Variants in C4orf50 observed in about 807,000 individuals in gnomAD.
C4orf50 encodes chromosome 4 open reading frame 50.
C4orf50 carries 80 observed loss-of-function variants against 77.2 expected under a neutral mutation model. The ratio of observed to expected loss-of-function variants is 1.04; its 90% confidence interval spans 0.87 to 1.25. C4orf50 has a LOEUF of 1.25. Ranked by LOEUF, C4orf50 falls within the 50% of genes most tolerant of loss-of-function variation. The pLI is 0.00. For synonymous variants in C4orf50, 532 were observed against 465.3 expected (o/e 1.14, Z -1.84); for missense variants, 1,257 against 1,152.9 (o/e 1.09, Z -1.31).
intron 7 of C4orf50, chr4:5,903,312 A>T (rs1716416435): frequency 6.6e-6 from 1 of 152,220 alleles, no homozygotes; most frequent in Admixed American, 6.5e-5. Context: ...GCTAACTCCA[A>T]TATTAAAAAA....
exon 28 of C4orf50, chr4:5,990,518 G>A (rs1721208247): frequency 2.5e-6 from 1 of 399,052 alleles, no homozygotes; most frequent in African/African-American, 2.1e-5. Flanking sequence ...TCCCAGCCTG[G>A]GTGTCCTGTG....
intron 7 of C4orf50, among the ~76,000 whole-genome samples, chr4:5,921,994 C>T (rs1274744027): frequency 6.6e-6 from 1 of 152,156 alleles, no homozygotes; most frequent in Non-Finnish European, 1.5e-5. Context: ...AACCTAATAA[C>T]TAGGAACAGC....
chr4:6,012,398 C>T (rs1353116350), intron 23 of C4orf50, among the ~76,000 whole-genome samples: 1 of 152,138 alleles, frequency 6.6e-6, no homozygotes, highest in Non-Finnish European at 1.5e-5. Context: ...TTGCTCAAAG[C>T]CACACAGCAT....
downstream of C4orf50, among the ~76,000 whole-genome samples, chr4:5,953,178 G>T (rs1718804481): frequency 6.6e-6 from 1 of 152,116 alleles, no homozygotes; most frequent in African/African-American, 2.4e-5. Flanking sequence ...GGCATGGAGC[G>T]GGCCTGAATC....
At chr4:5,940,557 G>A (rs1718216682) in intron 7 of C4orf50, among the ~76,000 whole-genome samples, 1 of 152,166 alleles carries the variant, frequency 6.6e-6, no homozygotes, top group African/African-American at 2.4e-5. Flanking sequence ...TAAGTAATCA[G>A]GGCCTCAAAA....
At chr4:5,981,442 T>G (rs1022765841) in intron 28 of C4orf50, among the ~76,000 whole-genome samples, 1 of 150,292 alleles carries the variant, frequency 6.7e-6, no homozygotes, top group Non-Finnish European at 1.5e-5. Flanking sequence ...TTCGCTTTTG[T>G]TGTCCAGGCT....
exon 34 of C4orf50, chr4:5,959,272 A>G: frequency 7.4e-7 from 1 of 1,356,486 alleles, no homozygotes; most frequent in Non-Finnish European, 1.0e-6. Context: ...TTGCCACTAA[A>G]TGAGGGCTCT....
In C4orf50 at chr4:6,009,670, CT is replaced by C. The variant is rs1560602907; in HGVS notation, c.427-1139del. Among the ~76,000 whole-genome samples, 3 of 152,192 alleles carry C rather than the reference CT, an allele frequency of 2.0e-5. No homozygotes were observed. The highest frequency in any genetic ancestry group is 7.2e-5 in the African/African-American group (3 of 41,434). On this transcript the variant is annotated intron_variant, in intron 24 of 33. Coordinates refer to ENST00000531445, the Ensembl canonical transcript of C4orf50. This position sits in a 1 kb window ranked among gnomAD's most constrained non-coding sequence, Gnocchi z 5.6. ...AGGCATCTTCATATGCAAATGCTTA[CT>C]GGAAACATTGGCAGCAACAAAGCAA... is the stretch of plus-strand genomic sequence containing the variant.
At chr4:5,971,199 C>T (rs778714599) in intron 31 of C4orf50, among the ~76,000 whole-genome samples, 2 of 152,232 alleles carry the variant, frequency 1.3e-5, no homozygotes, top group Non-Finnish European at 2.9e-5. Flanking sequence ...TCCTCCTGGG[C>T]TCCTAGCCAG....
intron 33 of C4orf50, among the ~76,000 whole-genome samples, chr4:5,960,551 C>T (rs963006318): frequency 3.9e-5 from 6 of 152,194 alleles, no homozygotes; most frequent in African/African-American, 1.4e-4. Flanking sequence ...AGGGAATCGG[C>T]GATCACTATG....
intron 26 of C4orf50, among the ~76,000 whole-genome samples, chr4:5,993,374 C>T (rs963648944): frequency 2.0e-5 from 3 of 152,338 alleles, no homozygotes; most frequent in Admixed American, 6.5e-5. Context: ...AGCAGCACCA[C>T]TGTGCTACAC....
intron 28 of C4orf50, among the ~76,000 whole-genome samples, chr4:5,988,077 G>A (rs1271802581): frequency 6.6e-6 from 1 of 152,200 alleles, no homozygotes. Context: ...TCTAAGAAGA[G>A]GGGCAGGCTT....
chr4:6,013,999 T>TTG (rs199516674), intron 23 of C4orf50, among the ~76,000 whole-genome samples: 18 of 128,458 alleles, frequency 1.4e-4, no homozygotes, highest in African/African-American at 2.4e-4. Context: ...TGTTTTTAAG[T>TTG]TGTGTGTTTT....
chr4:6,018,140 G>A lies in C4orf50; in HGVS notation c.287+5C>T, dbSNP rs1335543450. On this transcript the variant is annotated splice_donor_5th_base_variant and intron_variant, in intron 23 of 33. Coordinates refer to ENST00000531445, the Ensembl canonical transcript of C4orf50. The surrounding 1 kb of genome is among the most constrained non-coding windows in gnomAD (Gnocchi z 5.1). ...CACACAGAGAGATCAAAATGGCATC[G>A]CTACCTGCTTCTCAGCCCGGACTCC... 1 of 398,760 alleles carries A rather than the reference G, an allele frequency of 2.5e-6. No individual in the cohort carries two copies. The highest frequency in any genetic ancestry group is 1.3e-4 in the South Asian group (1 of 7,780). The allele number at this position is 398,760 out of a possible 1,614,324, so 24.7% of individuals were successfully genotyped here.
chr4:5,989,944 CT>C lies in C4orf50; in HGVS notation c.2101del (p.Arg701GlyfsTer26). The C allele has an allele frequency of 2.8e-6, 4 of 1,422,940 alleles. No individual in the cohort carries two copies. In the East Asian group the frequency reaches 1.0e-4, roughly 36 times the overall value. The allele number at this position is 1,422,940 out of a possible 1,614,324, so 88.1% of individuals were successfully genotyped here. A position where few individuals can be genotyped will look rare whatever the true frequency, so the allele number is the denominator to read the frequency against. On this transcript the variant is annotated frameshift_variant, in exon 28 of 34. Transcript: ENST00000531445. LOFTEE classifies it high-confidence loss of function. ...CCACACTTGGTTTTCCTCCTTGCCC[CT>C]AGCTGTCCTCCCAGTGGCTCTGACT... is the stretch of plus-strand genomic sequence containing the variant.
At chr4:5,973,990 C>G (rs1577952666) in intron 30 of C4orf50, 149 bp from the exon 9 acceptor site, 4 of 647,500 alleles carry the variant, frequency 6.2e-6, no homozygotes, top group East Asian at 2.8e-5. Context: ...CCCTGCGAAG[C>G]CTCCCTGCCC....
chr4:5,985,620 G>A (rs1577966679), intron 28 of C4orf50, among the ~76,000 whole-genome samples: 1 of 151,844 alleles, frequency 6.6e-6, no homozygotes, highest in Non-Finnish European at 1.5e-5. Flanking sequence ...AGGGAGGAAA[G>A]AAAGAATAAA....
chr4:6,002,066 T>C (rs561196492), intron 25 of C4orf50, among the ~76,000 whole-genome samples: 1 of 152,198 alleles, frequency 6.6e-6, no homozygotes, highest in South Asian at 2.1e-4. Context: ...TACCTGAGAG[T>C]GTGGCCTTAG....
intron 33 of C4orf50, among the ~76,000 whole-genome samples, chr4:5,962,595 C>T (rs1719330549): frequency 6.6e-6 from 1 of 152,216 alleles, no homozygotes; most frequent in Non-Finnish European, 1.5e-5. Flanking sequence ...CCCATCCAGG[C>T]CACGCACCAT....
Sources: gnomAD v4.1 joint callset for allele counts (sites outside exome capture counted in the v4.1 genomes callset) on GRCh38, gnomAD v4.1.1 for gene constraint, Gnocchi (gnomAD v3.1) non-coding constraint, MANE v1.5 for transcripts, NCBI Gene and HGNC (gene_info 2026-07-23, HGNC 2026-07-21) for gene names.